APBB2: variants seen among roughly 807,000 people sequenced by gnomAD.
The protein encoded by APBB2 is amyloid beta precursor protein binding family B member 2, also known as Fe65-like 1.
Under a neutral mutation model 82.5 loss-of-function variants are expected in APBB2, and 38 were observed. The observed-to-expected ratio is 0.46, with a 90% CI of 0.36 to 0.60. APBB2 has a LOEUF of 0.60. Ranked by LOEUF, APBB2 falls within the 20% of genes least tolerant of loss-of-function variation. The pLI, the probability that APBB2 is intolerant of heterozygous loss-of-function variation, is 0.00. For missense variants in APBB2, 772 were observed against 972.3 expected, an observed-to-expected ratio of 0.79 and a Z score of 2.74; for synonymous variants, 341 against 368.2, an observed-to-expected ratio of 0.93 and a Z score of 0.85.
rs570326592 is a variant in APBB2 at position 40,855,100 on chromosome 4, C to T, written c.1530-24523G>A. ...GGAGTGCAGATGACCTGAGGCCCCTCGTTGTTTGCGCCTACTGCCACATGC... is the reference window on the plus strand; with the variant it reads ...GGAGTGCAGATGACCTGAGGCCCCTTGTTGTTTGCGCCTACTGCCACATGC... On this transcript the variant is annotated intron_variant, in intron 12 of 17. Transcript: ENST00000508593. Among the ~76,000 whole-genome samples the T allele has an allele frequency of 1.4e-4, 21 of 152,298 alleles. No individual in the cohort carries two copies. In the East Asian group the frequency reaches 3.7e-3, roughly 27 times the overall value.
chr4:41,117,291 T>C (rs1751310115), intron 2 of APBB2, among the ~76,000 whole-genome samples: 1 of 133,274 alleles, frequency 7.5e-6, no homozygotes, highest in Admixed American at 7.5e-5. Flanking sequence ...TTATTATTAT[T>C]ATTATTTTTT....
chr4:41,023,228 G>T (rs1560548724), intron 5 of APBB2, among the ~76,000 whole-genome samples: 1 of 152,150 alleles, frequency 6.6e-6, no homozygotes, highest in Non-Finnish European at 1.5e-5. Context: ...AAAGCATCAG[G>T]CATATTGTTA....
intron 4 of APBB2, among the ~76,000 whole-genome samples, chr4:41,034,348 G>A (rs552229670): frequency 5.3e-5 from 8 of 152,036 alleles, no homozygotes; most frequent in Non-Finnish European, 7.4e-5. Flanking sequence ...TTTTTGCAAC[G>A]GAGTCTGGCT....
chr4:41,083,053 T>G (rs988684989), intron 3 of APBB2, among the ~76,000 whole-genome samples: 2 of 152,010 alleles, frequency 1.3e-5, no homozygotes, highest in African/African-American at 4.8e-5. Context: ...TAGACCCAGC[T>G]ACTCAGGAAG....
intron 5 of APBB2, among the ~76,000 whole-genome samples, chr4:41,015,735 T>A (rs183731339): frequency 6.6e-6 from 1 of 152,214 alleles, no homozygotes; most frequent in Non-Finnish European, 1.5e-5. Flanking sequence ...AGGGTTAGGA[T>A]CTTGGGCCCC....
chr4:41,183,691 C>A (rs1289974999), intron 1 of APBB2, among the ~76,000 whole-genome samples: 1 of 151,888 alleles, frequency 6.6e-6, no homozygotes, highest in Non-Finnish European at 1.5e-5. Context: ...AAGGAACCAA[C>A]TCTACCAATA....
intron 1 of APBB2, among the ~76,000 whole-genome samples, chr4:41,211,020 C>T (rs963906170): frequency 2.6e-5 from 4 of 152,030 alleles, no homozygotes; most frequent in African/African-American, 2.4e-5. Context: ...TTTGGGAGAC[C>T]GAGACTGGTG....
At chr4:40,922,785 A>ATTT (rs112361078) in intron 10 of APBB2, among the ~76,000 whole-genome samples, 4 of 129,948 alleles carry the variant, frequency 3.1e-5, no homozygotes, top group African/African-American at 8.2e-5. Context: ...TAAATTTTGT[A>ATTT]TTTTTTTTTT....
At chr4:40,854,728 G>A (rs561364467) in intron 12 of APBB2, among the ~76,000 whole-genome samples, 2 of 149,214 alleles carry the variant, frequency 1.3e-5, no homozygotes, top group East Asian at 3.9e-4. Flanking sequence ...GACACAGGTT[G>A]CAGTAAGCCA....
chr4:41,049,681 T>C (rs996603496), intron 4 of APBB2, among the ~76,000 whole-genome samples: 2 of 152,198 alleles, frequency 1.3e-5, no homozygotes, highest in African/African-American at 4.8e-5. Context: ...GGCGGTTTTG[T>C]CTAATAGAAA....
At chr4:41,059,975 C>T (rs75517753) in intron 4 of APBB2, among the ~76,000 whole-genome samples, 1 of 144,888 alleles carries the variant, frequency 6.9e-6, no homozygotes, top group Non-Finnish European at 1.5e-5. Context: ...CAGCAAAACT[C>T]CGTCTCAAAA....
intron 4 of APBB2, among the ~76,000 whole-genome samples, chr4:41,041,504 T>C (rs1721492534): frequency 6.6e-6 from 1 of 152,244 alleles, no homozygotes; most frequent in Non-Finnish European, 1.5e-5. Context: ...TAACCGTTAC[T>C]GGTAATAATT....
chr4:41,033,075 G>A (rs549879999), intron 5 of APBB2, among the ~76,000 whole-genome samples, 161 bp downstream of exon 5: 37 of 152,164 alleles, frequency 2.4e-4, no homozygotes, highest in South Asian at 4.1e-4. Flanking sequence ...GAGCCACCGC[G>A]CCCGGCCAAG....
intron 6 of APBB2, among the ~76,000 whole-genome samples, chr4:40,961,679 A>G (rs1182377480): frequency 8.5e-6 from 1 of 117,862 alleles, no homozygotes; most frequent in Non-Finnish European, 1.8e-5. Context: ...AAAAAAAAAA[A>G]AAAAAAAAAA....
chr4:41,017,131 A>G (rs1260539968), intron 5 of APBB2, among the ~76,000 whole-genome samples: 1 of 152,150 alleles, frequency 6.6e-6, no homozygotes, highest in African/African-American at 2.4e-5. Context: ...TCCTGGGTTC[A>G]AGTAATCCTC....
intron 3 of APBB2, among the ~76,000 whole-genome samples, chr4:41,086,206 AAGAGT>A (rs562590543): frequency 7.1e-4 from 108 of 152,292 alleles, no homozygotes; most frequent in Non-Finnish European, 1.3e-3. Flanking sequence ...AGAAAACCCA[AAGAGT>A]AGACAGCTTC....
At chr4:40,816,604 G>A (rs536905372) in intron 17 of APBB2, among the ~76,000 whole-genome samples, 1 of 152,320 alleles carries the variant, frequency 6.6e-6, no homozygotes, top group East Asian at 1.9e-4. Flanking sequence ...TTTTTCATCA[G>A]AGACATGCAA....
At chr4:41,190,996 T>TC (rs1427787273) in intron 1 of APBB2, among the ~76,000 whole-genome samples, 1 of 152,188 alleles carries the variant, frequency 6.6e-6, no homozygotes, top group African/African-American at 2.4e-5. Flanking sequence ...ATGTGGACCA[T>TC]GCTTTGAGAC....
At chr4:41,111,147 C>T (rs1359200525) in intron 2 of APBB2, among the ~76,000 whole-genome samples, 2 of 152,108 alleles carry the variant, frequency 1.3e-5, no homozygotes, top group Admixed American at 6.6e-5. Context: ...TGACAGGAGG[C>T]GGAGCTCAGG....
Sources: allele counts gnomAD v4.1 joint callset (sites outside exome capture counted in the v4.1 genomes callset), GRCh38; gene constraint gnomAD v4.1.1; transcripts MANE v1.5; gene names NCBI Gene and HGNC (gene_info 2026-07-23, HGNC 2026-07-21).